The following FBXL7 variants were observed in gnomAD, a reference collection of about 807,000 sequenced individuals.
FBXL7 encodes F-box/LRR-repeat protein 7.
Under a neutral mutation model 38.3 loss-of-function variants are expected in FBXL7, and 12 were observed. The observed-to-expected ratio is 0.31, with a 90% CI of 0.20 to 0.51. The LOEUF (loss-of-function observed/expected upper bound fraction) is 0.51, where lower values mean the gene tolerates loss of function less well. Ranked by LOEUF, FBXL7 falls within the 20% of genes least tolerant of loss-of-function variation. The pLI is 0.98. For synonymous variants in FBXL7, 297 were observed against 300.9 expected, an observed-to-expected ratio of 0.99 and a Z score of 0.13; for missense variants, 567 against 676.4, an observed-to-expected ratio of 0.84 and a Z score of 1.79.
At chr5:15,878,810 T>C (rs1740320457) in intron 2 of FBXL7, among the ~76,000 whole-genome samples, 1 of 152,194 alleles carries the variant, frequency 6.6e-6, no homozygotes, top group Non-Finnish European at 1.5e-5. Flanking sequence ...CATATATTCT[T>C]TCCTAGCCTC....
chr5:15,845,167 CCTT>C (rs561233255), intron 2 of FBXL7, among the ~76,000 whole-genome samples: 27 of 152,168 alleles, frequency 1.8e-4, no homozygotes, highest in Non-Finnish European at 3.1e-4. Flanking sequence ...GAAAATTCTT[CCTT>C]CTGAGAAATG....
intron 1 of FBXL7, among the ~76,000 whole-genome samples, chr5:15,544,960 G>T (rs1425198101): frequency 6.6e-6 from 1 of 152,138 alleles, no homozygotes; most frequent in African/African-American, 2.4e-5. Flanking sequence ...TATTATGAAG[G>T]TTTATTGGGA....
intron 2 of FBXL7, among the ~76,000 whole-genome samples, chr5:15,833,841 T>C (rs956055086): frequency 6.6e-6 from 1 of 152,206 alleles, no homozygotes; most frequent in African/African-American, 2.4e-5. Flanking sequence ...GGCATGGACA[T>C]TCTAAAATTT....
intron 3 of FBXL7, among the ~76,000 whole-genome samples, chr5:15,934,166 G>T (rs1742116045): frequency 6.6e-6 from 1 of 152,066 alleles, no homozygotes; most frequent in Admixed American, 6.6e-5. Context: ...CACCATACCT[G>T]GCTAATTTTT....
chr5:15,928,565 C>T lies in FBXL7; in HGVS notation c.739+64C>T. 1 of 1,540,118 alleles carries T rather than the reference C, an allele frequency of 6.5e-7. No individual in the cohort carries two copies. Among genetic ancestry groups the T allele is most frequent in the Admixed American group, 1.8e-5 (1 of 54,906 alleles). ...GTGCACCATCCTAAAACAGTGGGGACAGTGCCACCACCGGAGGGTCCTCTT... is the reference window on the plus strand; with the variant it reads ...GTGCACCATCCTAAAACAGTGGGGATAGTGCCACCACCGGAGGGTCCTCTT... On this transcript the variant is annotated intron_variant, in intron 3 of 3. Transcript: ENST00000504595. This position sits in a 1 kb window ranked among gnomAD's most constrained non-coding sequence, Gnocchi z 4.0.
intron 3 of FBXL7, among the ~76,000 whole-genome samples, chr5:15,935,467 T>C (rs1742156750): frequency 8.5e-6 from 1 of 118,082 alleles, no homozygotes; most frequent in Non-Finnish European, 1.8e-5. Context: ...GAATCGACTG[T>C]AGGAGCTAAG....
At chr5:15,820,227 A>G (rs1452820879) in intron 2 of FBXL7, among the ~76,000 whole-genome samples, 1 of 152,080 alleles carries the variant, frequency 6.6e-6, no homozygotes, top group African/African-American at 2.4e-5. Flanking sequence ...TTATAGGGCT[A>G]CATTCACCAC....
At chr5:15,561,084 T>G (rs900840819) in intron 1 of FBXL7, among the ~76,000 whole-genome samples, 1 of 152,180 alleles carries the variant, frequency 6.6e-6, no homozygotes, top group African/African-American at 2.4e-5. Flanking sequence ...TTAAGAGATC[T>G]AAGGAGTTCT....
intron 1 of FBXL7, among the ~76,000 whole-genome samples, chr5:15,569,313 G>C (rs1738688740): frequency 6.7e-6 from 1 of 150,368 alleles, no homozygotes; most frequent in Admixed American, 6.6e-5. Flanking sequence ...CACATCCCTT[G>C]TAAGTTGGAT....
intron 2 of FBXL7, among the ~76,000 whole-genome samples, chr5:15,912,775 C>G (rs1431125501): frequency 6.6e-6 from 1 of 152,084 alleles, no homozygotes; most frequent in African/African-American, 2.4e-5. Flanking sequence ...CACCGAAACG[C>G]CAGTCTTTGT....
At chr5:15,670,950 A>G (rs752223540) in intron 2 of FBXL7, among the ~76,000 whole-genome samples, 1 of 152,108 alleles carries the variant, frequency 6.6e-6, no homozygotes, top group Non-Finnish European at 1.5e-5. Context: ...CTCAGCTCTT[A>G]TACCCTGGTG....
chr5:15,798,881 A>G (rs186141991), intron 2 of FBXL7, among the ~76,000 whole-genome samples: 2 of 152,324 alleles, frequency 1.3e-5, no homozygotes, highest in African/African-American at 4.8e-5. Flanking sequence ...CTTGAGGAAG[A>G]TGAAATTCCC....
At chr5:15,776,434 A>C (rs964057302) in intron 2 of FBXL7, among the ~76,000 whole-genome samples, 5 of 152,022 alleles carry the variant, frequency 3.3e-5, no homozygotes, top group Non-Finnish European at 7.4e-5. Flanking sequence ...AGCTGCCAAA[A>C]CTCTTAAGGA....
intron 2 of FBXL7, among the ~76,000 whole-genome samples, chr5:15,714,766 A>G (rs1419883411): frequency 3.4e-5 from 5 of 147,318 alleles, no homozygotes; most frequent in South Asian, 2.3e-4. Context: ...GGAGAATGGC[A>G]TGAACCTGGG....
At chr5:15,829,837 G>T (rs1738406570) in intron 2 of FBXL7, among the ~76,000 whole-genome samples, 1 of 152,106 alleles carries the variant, frequency 6.6e-6, no homozygotes, top group Admixed American at 6.5e-5. Flanking sequence ...AAATAATAAG[G>T]TGTGACACTT....
At chr5:15,864,156 T>C (rs918589066) in intron 2 of FBXL7, among the ~76,000 whole-genome samples, 15 of 149,150 alleles carry the variant, frequency 1.0e-4, no homozygotes, top group South Asian at 2.2e-4. Flanking sequence ...AGCCCTGTCA[T>C]TGATATTCTA....
At chr5:15,854,319 G>A (rs937030603) in intron 2 of FBXL7, among the ~76,000 whole-genome samples, 28 of 152,116 alleles carry the variant, frequency 1.8e-4, no homozygotes, top group African/African-American at 5.5e-4. Flanking sequence ...TCAGCCTAAA[G>A]GTGAAAAAAA....
Position 15,520,272 on chromosome 5 carries a change from T to G in FBXL7, c.37+19559T>G, listed in dbSNP as rs1444979587. The stretch of plus-strand genomic sequence containing the variant: ...GTCTAATCCTGTGACTTAGAATGCC[T>G]TAACCATCTGGGAATGCAGCCCAGT... On this transcript the variant is annotated intron_variant, in intron 1 of 3. Transcript: ENST00000504595. Among the ~76,000 whole-genome samples, 3 of 152,232 alleles carry G rather than the reference T, an allele frequency of 2.0e-5. No individual in the cohort carries two copies. The East Asian group carries it at 5.8e-4, about 29-fold the overall frequency.
chr5:15,877,165 A>T (rs182455136), intron 2 of FBXL7, among the ~76,000 whole-genome samples: 4 of 152,290 alleles, frequency 2.6e-5, no homozygotes, highest in Admixed American at 6.5e-5. Flanking sequence ...GCTTCACAAC[A>T]TATCTGCAAC....
Sources: gnomAD v4.1 joint callset for allele counts (sites outside exome capture counted in the v4.1 genomes callset) on GRCh38, gnomAD v4.1.1 for gene constraint, Gnocchi (gnomAD v3.1) non-coding constraint, MANE v1.5 for transcripts, NCBI Gene and HGNC (gene_info 2026-07-23, HGNC 2026-07-21) for gene names.